EFCAB6: variants seen among roughly 807,000 people sequenced by gnomAD.
EFCAB6 encodes the protein EF-hand calcium-binding domain-containing protein 6.
EFCAB6 carries 156 observed loss-of-function variants against 169.8 expected under a neutral mutation model. The ratio of observed to expected loss-of-function variants is 0.92; its 90% confidence interval spans 0.81 to 1.05. The LOEUF (loss-of-function observed/expected upper bound fraction) is 1.05. Ranked by LOEUF, EFCAB6 falls within the 50% of genes least tolerant of loss-of-function variation. The pLI, the probability that EFCAB6 is intolerant of heterozygous loss-of-function variation, is 0.00. For missense variants in EFCAB6, 1,800 were observed against 1,829.1 expected (o/e 0.98, Z 0.29); for synonymous variants, 698 against 676.4 (o/e 1.03, Z -0.50).
chr22:43,685,423 C>T (rs566396353), intron 11 of EFCAB6, among the ~76,000 whole-genome samples: 63 of 152,270 alleles, frequency 4.1e-4, no homozygotes, highest in Middle Eastern at 3.4e-3. Flanking sequence ...AGCTCTCCCT[C>T]GGAGCTGGGA....
At chr22:43,811,363 G>GGGGAA (rs10629100) in intron 1 of EFCAB6, among the ~76,000 whole-genome samples, 8,074 of 122,964 alleles carry the variant, frequency 0.066, 429 homozygotes, top group Non-Finnish European at 0.083. Flanking sequence ...AGGGAAGAAA[G>GGGGAA]GGGAAGGGAA....
intron 10 of EFCAB6, among the ~76,000 whole-genome samples, chr22:43,691,044 G>A (rs573700634): frequency 6.6e-6 from 1 of 151,930 alleles, no homozygotes; most frequent in Middle Eastern, 3.2e-3. Flanking sequence ...GCTAATACTT[G>A]ATAAATGCCT....
At chr22:43,731,626 A>G in intron 8 of EFCAB6, 73 bp downstream of exon 8, 1 of 826,858 alleles carries the variant, frequency 1.2e-6, no homozygotes, top group Non-Finnish European at 1.8e-6. Flanking sequence ...TTCCTCAGGA[A>G]TGATCCAAAG....
chr22:43,618,106 A>G (rs1375534880), intron 20 of EFCAB6, among the ~76,000 whole-genome samples: 1 of 145,998 alleles, frequency 6.8e-6, no homozygotes, highest in African/African-American at 2.6e-5. Context: ...CATCTCAAAA[A>G]AAAAATCTCA....
At chr22:43,601,816 C>T (rs889972321) in intron 22 of EFCAB6, among the ~76,000 whole-genome samples, 1 of 152,236 alleles carries the variant, frequency 6.6e-6, no homozygotes, top group Non-Finnish European at 1.5e-5. Context: ...CCACCCTTCC[C>T]AAAGGCCATG....
chr22:43,690,858 A>T (rs1297594933), intron 10 of EFCAB6, among the ~76,000 whole-genome samples: 1 of 151,900 alleles, frequency 6.6e-6, no homozygotes, highest in Admixed American at 6.6e-5. Context: ...TCTCAATGCA[A>T]TAACTGTTTC....
At chr22:43,608,427 G>A (rs1321344363) in intron 22 of EFCAB6, 55 bp downstream of exon 22, 3 of 1,518,416 alleles carry the variant, frequency 2.0e-6, no homozygotes, top group Non-Finnish European at 2.7e-6. Context: ...ATTTGCCACA[G>A]CAAGCACCCC....
intron 7 of EFCAB6, among the ~76,000 whole-genome samples, chr22:43,734,755 A>G (rs997644607): frequency 2.6e-5 from 4 of 152,160 alleles, no homozygotes; most frequent in Non-Finnish European, 5.9e-5. Flanking sequence ...AGAAAAACAT[A>G]CTCAAAAGAG....
At chr22:43,590,251 A>G (rs1281337497) in intron 23 of EFCAB6, 22 bp from the exon 24 acceptor site, 1 of 1,603,348 alleles carries the variant, frequency 6.2e-7, no homozygotes, top group South Asian at 1.1e-5. Flanking sequence ...TACATTGCAG[A>G]CATACCCTAA....
intron 3 of EFCAB6, among the ~76,000 whole-genome samples, chr22:43,780,486 CAAAAAAA>C (rs34634496): frequency 1.6e-4 from 8 of 49,024 alleles, no homozygotes; most frequent in East Asian, 7.1e-4. Flanking sequence ...GACTCTGTCT[CAAAAAAA>C]AAAAAAAAAA....
At chr22:43,583,018 A>C (rs1035477604) in intron 24 of EFCAB6, among the ~76,000 whole-genome samples, 1 of 152,102 alleles carries the variant, frequency 6.6e-6, no homozygotes, top group African/African-American at 2.4e-5. Flanking sequence ...TATTAGCTGA[A>C]CTGTTTGTTC....
In EFCAB6 at chr22:43,540,215, A is replaced by G. The variant is rs748981834; in HGVS notation, c.3791T>C (p.Val1264Ala). 1.2e-6 allele frequency: 2 copies of G among 1,614,204 alleles called. No individual in the cohort carries two copies. Among genetic ancestry groups the G allele is most frequent in the South Asian group, 2.2e-5 (2 of 91,082 alleles). ...DSAVAQRGSS[V>A]PDVSEGTRSA... is the part of the protein sequence containing the mutation. ...TCTGGTGCCTTCCGAGACGTCAGGGACACTGCTCCCTCTCTGGGCCACGGC... is the reference window on the plus strand; with the variant it reads ...TCTGGTGCCTTCCGAGACGTCAGGGGCACTGCTCCCTCTCTGGGCCACGGC... Residue 1264 changes from valine to alanine, a missense_variant, in exon 28 of 32, where the codon GTC becomes GCC. Transcript: ENST00000262726.
At position 43,701,864 on chromosome 22, in the gene EFCAB6, C is replaced by G. The variant is rs1286769434; in HGVS notation, c.1031+9611G>C. 5.3e-5 allele frequency among the ~76,000 whole-genome samples: 8 copies of G among 151,858 alleles called. No homozygotes were observed. The East Asian group carries it at 1.5e-3, about 29-fold the overall frequency. Reference sequence around the variant, plus strand: ...TTATGTTAAAATGTAAACTTCAAAACAGTGAGGTATCATATAATAAAAGGG... The same window carrying G: ...TTATGTTAAAATGTAAACTTCAAAAGAGTGAGGTATCATATAATAAAAGGG... On this transcript the variant is annotated intron_variant, in intron 10 of 31. Transcript: ENST00000262726.
intron 19 of EFCAB6, among the ~76,000 whole-genome samples, chr22:43,629,290 G>C (rs146603404): frequency 5.9e-5 from 9 of 152,194 alleles, no homozygotes; most frequent in Non-Finnish European, 1.0e-4. Context: ...CTTTGGAATC[G>C]AGCCGGTGTT....
At chr22:43,595,763 C>T (rs2051952407) in intron 23 of EFCAB6, among the ~76,000 whole-genome samples, 1 of 152,092 alleles carries the variant, frequency 6.6e-6, no homozygotes, top group Non-Finnish European at 1.5e-5. Flanking sequence ...CCAGTAATAT[C>T]CTGATACCCA....
Position 43,580,519 on chromosome 22 carries a change from T to A in EFCAB6, c.3173A>T (p.Glu1058Val). 6.2e-7 allele frequency: 1 copy of A among 1,614,068 alleles called. No individual in the cohort carries two copies. Among genetic ancestry groups the A allele is most frequent in the South Asian group, 1.1e-5 (1 of 91,076 alleles). Residue 1058 changes from glutamate (E) to valine (V), a missense_variant, in exon 25 of 32, where the codon GAG becomes GTG. Transcript: ENST00000262726. ...TACTTCCTGGATCTTCCTCACAGCC[T>A]CCTGTGGATTCAGCGTTGCAAAATT... ...PINFATLNPQ[E>V]AVRKIQEVVE...
At chr22:43,606,016 C>G (rs2052894888) in intron 22 of EFCAB6, among the ~76,000 whole-genome samples, 1 of 152,104 alleles carries the variant, frequency 6.6e-6, no homozygotes, top group Non-Finnish European at 1.5e-5. Context: ...GGAGGGGTCA[C>G]CAGGTGAATG....
intron 26 of EFCAB6, among the ~76,000 whole-genome samples, chr22:43,562,073 C>T (rs1448108945): frequency 1.3e-5 from 2 of 152,158 alleles, no homozygotes; most frequent in Non-Finnish European, 2.9e-5. Context: ...AGCAAACAAA[C>T]AAACAAAATG....
intron 6 of EFCAB6, among the ~76,000 whole-genome samples, chr22:43,747,717 T>G (rs1184667998): frequency 6.6e-6 from 1 of 152,148 alleles, no homozygotes; most frequent in Non-Finnish European, 1.5e-5. Context: ...TTCCTAGACT[T>G]AATGAGCCCC....
Sources: allele counts gnomAD v4.1 joint callset (sites outside exome capture counted in the v4.1 genomes callset), GRCh38; gene constraint gnomAD v4.1.1; transcripts MANE v1.5; gene names NCBI Gene and HGNC (gene_info 2026-07-23, HGNC 2026-07-21).